The following METTL15 variants were observed in gnomAD, a reference collection of about 807,000 sequenced individuals.
METTL15 encodes the protein methyltransferase 15, mitochondrial 12S rRNA N4-cytidine, also known as 12S rRNA N(4)-cytidine methyltransferase METTL15.
Under a neutral mutation model 38.3 loss-of-function variants are expected in METTL15, and 34 were observed. The observed-to-expected ratio is 0.89, with a 90% CI of 0.68 to 1.18. METTL15 has a LOEUF of 1.18. METTL15 is among the 50% of genes most tolerant of loss of function. METTL15 has a pLI of 0.00. For missense variants in METTL15, 438 were observed against 498.4 expected, an observed-to-expected ratio of 0.88 and a Z score of 1.15; for synonymous variants, 162 against 170.9, an observed-to-expected ratio of 0.95 and a Z score of 0.41.
chr11:28,476,776 T>A (rs780891794), intron 6 of METTL15, among the ~76,000 whole-genome samples: 22 of 152,176 alleles, frequency 1.4e-4, no homozygotes, highest in Non-Finnish European at 2.4e-4. Flanking sequence ...TGATCTATGG[T>A]GTAGCTTAGT....
At chr11:28,487,819 T>C (rs1161313155) in intron 6 of METTL15, among the ~76,000 whole-genome samples, 1 of 152,116 alleles carries the variant, frequency 6.6e-6, no homozygotes, top group Non-Finnish European at 1.5e-5. Context: ...CAATGTTGAA[T>C]TGCATGAAGT....
intron 3 of METTL15, among the ~76,000 whole-genome samples, chr11:28,347,936 A>G (rs1478014657): frequency 6.6e-6 from 1 of 152,202 alleles, no homozygotes; most frequent in Non-Finnish European, 1.5e-5. Context: ...TTGTGTTTCA[A>G]CATATCCATC....
intron 5 of METTL15, among the ~76,000 whole-genome samples, chr11:28,379,821 G>A (rs990514703): frequency 4.6e-5 from 7 of 152,076 alleles, no homozygotes; most frequent in African/African-American, 1.7e-4. Context: ...TGAACGTTCT[G>A]CTATTATTCT....
chr11:28,230,158 A>AT (rs1239812034), intron 4 of METTL15, among the ~76,000 whole-genome samples: 1 of 151,932 alleles, frequency 6.6e-6, no homozygotes, highest in East Asian at 1.9e-4. Context: ...TATTTAGCTC[A>AT]TTACTGACAT....
At chr11:28,514,336 A>G (rs1005956692) in intron 6 of METTL15, among the ~76,000 whole-genome samples, 6 of 152,184 alleles carry the variant, frequency 3.9e-5, no homozygotes, top group Admixed American at 6.5e-5. Flanking sequence ...CTTGAATGAT[A>G]TGATATGTGT....
At chr11:28,265,864 A>T (rs952685655) in intron 4 of METTL15, among the ~76,000 whole-genome samples, 1 of 152,212 alleles carries the variant, frequency 6.6e-6, no homozygotes, top group African/African-American at 2.4e-5. Flanking sequence ...CACAACGTGC[A>T]GGTTAGTTAC....
intron 6 of METTL15, among the ~76,000 whole-genome samples, chr11:28,458,638 C>T (rs1202211504): frequency 6.6e-6 from 1 of 152,190 alleles, no homozygotes; most frequent in East Asian, 1.9e-4. Flanking sequence ...CATGTGTCAC[C>T]ATGTGGAAAT....
intron 3 of METTL15, among the ~76,000 whole-genome samples, chr11:28,205,005 A>G (rs1852264430): frequency 6.6e-6 from 1 of 152,084 alleles, no homozygotes; most frequent in African/African-American, 2.4e-5. Context: ...TGAGATCCAT[A>G]GAAGGGTTAC....
chr11:28,407,368 A>G (rs996077333), intron 5 of METTL15, among the ~76,000 whole-genome samples: 1 of 152,226 alleles, frequency 6.6e-6, no homozygotes, highest in Non-Finnish European at 1.5e-5. Context: ...CATCAGAGTG[A>G]ATGGACAACC....
intron 6 of METTL15, among the ~76,000 whole-genome samples, chr11:28,443,732 A>G (rs1175632209): frequency 6.6e-6 from 1 of 152,148 alleles, no homozygotes; most frequent in Non-Finnish European, 1.5e-5. Flanking sequence ...TGACAAACCC[A>G]TTAGGGAATC....
chr11:28,524,765 G>A (rs1435416241), intron 6 of METTL15, among the ~76,000 whole-genome samples: 1 of 152,178 alleles, frequency 6.6e-6, no homozygotes, highest in Non-Finnish European at 1.5e-5. Context: ...TGAGAGATAA[G>A]GATTTAGGTA....
intron 6 of METTL15, among the ~76,000 whole-genome samples, chr11:28,459,639 C>T (rs1851198293): frequency 6.6e-6 from 1 of 152,152 alleles, no homozygotes; most frequent in Non-Finnish European, 1.5e-5. Context: ...GAATGTTACC[C>T]TAAAGAGAAA....
At chr11:28,457,267 G>A (rs1215423897) in intron 6 of METTL15, among the ~76,000 whole-genome samples, 1 of 152,058 alleles carries the variant, frequency 6.6e-6, no homozygotes, top group African/African-American at 2.4e-5. Context: ...GTTTAGAAAA[G>A]GCTTATATAA....
intron 5 of METTL15, among the ~76,000 whole-genome samples, chr11:28,395,147 T>C (rs1332610678): frequency 6.6e-6 from 1 of 152,108 alleles, no homozygotes; most frequent in Non-Finnish European, 1.5e-5. Context: ...CAATTCCCTT[T>C]TGCTTCAGAA....
At chr11:28,175,693 C>G (rs138261420) in intron 3 of METTL15, among the ~76,000 whole-genome samples, 1 of 152,248 alleles carries the variant, frequency 6.6e-6, no homozygotes, top group Non-Finnish European at 1.5e-5. Flanking sequence ...CTTCAAACTT[C>G]TTACTCTTCC....
chr11:28,296,984 T>C, intron 6 of METTL15, 53 bp downstream of exon 6: 1 of 1,576,312 alleles, frequency 6.3e-7, no homozygotes, highest in South Asian at 1.1e-5. Flanking sequence ...TATTTACATG[T>C]GTGCATGTGT....
chr11:28,181,419 C>G (rs1219951419), intron 3 of METTL15, among the ~76,000 whole-genome samples: 1 of 151,796 alleles, frequency 6.6e-6, no homozygotes, highest in African/African-American at 2.4e-5. Context: ...TACCTCACCC[C>G]CTGACAGAAC....
chr11:28,430,936 G>C (rs1274254772), intron 6 of METTL15, among the ~76,000 whole-genome samples: 4 of 105,074 alleles, frequency 3.8e-5, no homozygotes, highest in Admixed American at 9.4e-5. Flanking sequence ...CAGCCGCCCC[G>C]TCCGGGAGGT....
At chr11:28,502,100 C>CA (rs371738355) in intron 6 of METTL15, among the ~76,000 whole-genome samples, 59,186 of 120,734 alleles carry the variant, frequency 0.49, 13,284 homozygotes, top group Admixed American at 0.57. Flanking sequence ...GACTCTGTCT[C>CA]AAAAAAAAAA....
Sources: allele counts gnomAD v4.1 joint callset (sites outside exome capture counted in the v4.1 genomes callset), GRCh38; gene constraint gnomAD v4.1.1; transcripts MANE v1.5; gene names NCBI Gene and HGNC (gene_info 2026-07-23, HGNC 2026-07-21).